Variants in PRKAR2B observed in about 807,000 individuals in gnomAD.
The protein encoded by PRKAR2B is protein kinase cAMP-dependent type II regulatory subunit beta, also known as cAMP-dependent protein kinase type II-beta regulatory subunit.
Under a neutral mutation model 49.9 loss-of-function variants are expected in PRKAR2B, and 14 were observed. The observed-to-expected ratio is 0.28, with a 90% CI of 0.19 to 0.44. The LOEUF (loss-of-function observed/expected upper bound fraction) is 0.44, where lower values mean the gene tolerates loss of function less well. Ranked by LOEUF, PRKAR2B falls within the 20% of genes least tolerant of loss-of-function variation. The pLI is 1.00. For missense variants in PRKAR2B, 393 were observed against 537.9 expected (o/e 0.73, Z 2.67); for synonymous variants, 196 against 197.7 (o/e 0.99, Z 0.07).
At chr7:107,149,740 A>T (rs1320892149) in intron 6 of PRKAR2B, among the ~76,000 whole-genome samples, 1 of 152,162 alleles carries the variant, frequency 6.6e-6, no homozygotes, top group Admixed American at 6.5e-5. Context: ...GCACTAGTTC[A>T]TTTAAATTCA....
Position 107,092,245 on chromosome 7 carries a change from TTGTG to T in PRKAR2B, c.343+21950_343+21953del, listed in dbSNP as rs34502492. ...CTGTATGTGATGGGGAACCATTAAG[TTGTG>T]TGTGTGTGTGTGTGTGTGTGCGTGT... On this transcript the variant is annotated intron_variant, in intron 2 of 10. Transcript: ENST00000265717. 6.9e-3 allele frequency among the ~76,000 whole-genome samples: 1,029 copies of T among 148,384 alleles called. 10 individuals carry two copies. The highest frequency in any genetic ancestry group is 0.024 in the East Asian group (119 of 5,018).
At chr7:107,133,145 A>T (rs575445303) in intron 4 of PRKAR2B, among the ~76,000 whole-genome samples, 1 of 152,332 alleles carries the variant, frequency 6.6e-6, no homozygotes, top group Non-Finnish European at 1.5e-5. Context: ...AGTTATCATG[A>T]TAAGCCTCTG....
At chr7:107,061,476 T>A (rs1052464191) in intron 1 of PRKAR2B, among the ~76,000 whole-genome samples, 1 of 152,228 alleles carries the variant, frequency 6.6e-6, no homozygotes, top group Non-Finnish European at 1.5e-5. Context: ...CCTATGTAAC[T>A]TATCACAACT....
chr7:107,098,120 CT>C (rs1794882128), intron 2 of PRKAR2B, among the ~76,000 whole-genome samples: 1 of 152,216 alleles, frequency 6.6e-6, no homozygotes, highest in African/African-American at 2.4e-5. Flanking sequence ...AACTTGGTTC[CT>C]TTCTCCCCGT....
chr7:107,158,795 A>G (rs765237155), intron 10 of PRKAR2B, among the ~76,000 whole-genome samples: 2 of 152,108 alleles, frequency 1.3e-5, no homozygotes, highest in Non-Finnish European at 2.9e-5. Flanking sequence ...TTATCTTTTT[A>G]TCTTTAGTGT....
intron 2 of PRKAR2B, among the ~76,000 whole-genome samples, chr7:107,087,355 G>T (rs547058520): frequency 6.6e-6 from 1 of 152,108 alleles, no homozygotes; most frequent in South Asian, 2.1e-4. Flanking sequence ...TTTTGAAAAA[G>T]AACTTGGGTT....
chr7:107,117,046 T>A (rs1241454726), intron 2 of PRKAR2B, among the ~76,000 whole-genome samples: 1 of 148,326 alleles, frequency 6.7e-6, no homozygotes, highest in Non-Finnish European at 1.5e-5. Context: ...CTACCCCCAG[T>A]CTTTTTGGAC....
At chr7:107,097,625 C>T (rs1794869866) in intron 2 of PRKAR2B, among the ~76,000 whole-genome samples, 1 of 152,144 alleles carries the variant, frequency 6.6e-6, no homozygotes, top group South Asian at 2.1e-4. Context: ...TACAATTTGG[C>T]ATGTTTTTGC....
rs897688664 is a variant in PRKAR2B at position 107,101,140 on chromosome 7, T to A, written c.344-20812T>A. ...CCCTCTCCAGGTTGTTGCTTATTTT[T>A]TTTTTTTTTTTTTTTTTTGTAGCTT... On this transcript the variant is annotated intron_variant, in intron 2 of 10. Transcript: ENST00000265717. Among the ~76,000 whole-genome samples the A allele has an allele frequency of 2.0e-5, 3 of 147,996 alleles. No individual in the cohort carries two copies. In the South Asian group the frequency reaches 6.4e-4, roughly 32 times the overall value.
chr7:107,135,403 A>G (rs1476025393), intron 4 of PRKAR2B, among the ~76,000 whole-genome samples: 5 of 152,206 alleles, frequency 3.3e-5, no homozygotes, highest in African/African-American at 1.2e-4. Flanking sequence ...CAATAAGACA[A>G]GAAAGTGTAG....
chr7:107,118,349 G>T (rs973170152), intron 2 of PRKAR2B, among the ~76,000 whole-genome samples: 1 of 151,652 alleles, frequency 6.6e-6, no homozygotes, highest in African/African-American at 2.4e-5. Flanking sequence ...TTCAATGTGT[G>T]TTTGAGTGTG....
chr7:107,101,875 C>CTTTTT (rs10589473), intron 2 of PRKAR2B, among the ~76,000 whole-genome samples: 5 of 94,256 alleles, frequency 5.3e-5, no homozygotes, highest in African/African-American at 2.1e-4. Flanking sequence ...AGCCCTGATC[C>CTTTTT]TTTTTTTTTT....
chr7:107,062,963 T>G (rs1794054730), intron 1 of PRKAR2B, among the ~76,000 whole-genome samples: 1 of 152,144 alleles, frequency 6.6e-6, no homozygotes, highest in African/African-American at 2.4e-5. Context: ...ACTATATATT[T>G]TAATTTATGG....
At position 107,153,188 on chromosome 7, in the gene PRKAR2B, C is replaced by T. The variant is rs1453813022; in HGVS notation, c.855C>T (p.Arg285=). Residue 285 remains arginine (R), a synonymous_variant, in exon 8 of 11, where the codon CGC becomes CGT. Coordinates refer to ENST00000265717, the MANE Select transcript of PRKAR2B (RefSeq NM_002736.3). ...TTCTTTCTTTGTAGTTTTCTGAACG[C>T]CTGAAAGTAGTAGATGTGATAGGCA... ...PFLKSLEFSE[R]LKVVDVIGTK... 7 of 1,607,460 alleles carry T rather than the reference C, an allele frequency of 4.4e-6. No homozygotes were observed. In the South Asian group the frequency reaches 5.6e-5, roughly 13 times the overall value.
intron 5 of PRKAR2B, among the ~76,000 whole-genome samples, chr7:107,145,551 T>C (rs190742044): frequency 1.2e-4 from 18 of 152,282 alleles, no homozygotes; most frequent in Admixed American, 1.1e-3. Flanking sequence ...AGTGATTTGA[T>C]AAATGTTTCT....
chr7:107,148,640 CCTT>C (rs1325862529), intron 6 of PRKAR2B, among the ~76,000 whole-genome samples: 1 of 152,112 alleles, frequency 6.6e-6, no homozygotes, highest in Non-Finnish European at 1.5e-5. Context: ...TATAATAACT[CCTT>C]CTCAGGGAGA....
chr7:107,115,387 G>T (rs1795254502), intron 2 of PRKAR2B, among the ~76,000 whole-genome samples: 1 of 152,146 alleles, frequency 6.6e-6, no homozygotes, highest in East Asian at 1.9e-4. Context: ...CAGAATTTCT[G>T]CCAGAAAGGT....
intron 1 of PRKAR2B, among the ~76,000 whole-genome samples, chr7:107,050,325 G>GTTACCAGC (rs1793776496): frequency 8.6e-6 from 1 of 116,686 alleles, no homozygotes; most frequent in East Asian, 2.8e-4. Context: ...AGATAAGACA[G>GTTACCAGC]TTACCAGCTT....
At chr7:107,089,478 G>A (rs571156593) in intron 2 of PRKAR2B, among the ~76,000 whole-genome samples, 11 of 152,114 alleles carry the variant, frequency 7.2e-5, no homozygotes, top group Non-Finnish European at 1.3e-4. Flanking sequence ...CAACTACTGC[G>A]TTATATATAA....
Sources: allele counts gnomAD v4.1 joint callset (sites outside exome capture counted in the v4.1 genomes callset), GRCh38; gene constraint gnomAD v4.1.1; transcripts MANE v1.5; gene names NCBI Gene and HGNC (gene_info 2026-07-23, HGNC 2026-07-21).